ANO3: variants seen among roughly 807,000 people sequenced by gnomAD.
ANO3 encodes anoctamin-3.
ANO3 carries 99 observed loss-of-function variants against 144.8 expected under a neutral mutation model. That is an observed-to-expected ratio of 0.68 (90% CI 0.58 to 0.81). The LOEUF is 0.81. Among genes scored for constraint, ANO3 ranks in the 30% least tolerant of loss-of-function variants. The pLI is 0.00. For missense variants in ANO3, 905 were observed against 1,202.2 expected, an observed-to-expected ratio of 0.75 and a Z score of 3.66; for synonymous variants, 414 against 392.6, an observed-to-expected ratio of 1.05 and a Z score of -0.64.
At position 26,462,311 on chromosome 11, in the gene ANO3, A is replaced by T. The variant is rs12281377; in HGVS notation, c.314-719A>T. 4.5e-3 allele frequency among the ~76,000 whole-genome samples: 691 copies of T among 152,014 alleles called. 3 individuals carry two copies. Among genetic ancestry groups the T allele is most frequent in the African/African-American group, 0.016 (654 of 41,544 alleles). ...TAATTTGCAGAGATATTTATATCAC[A>T]TGGAATATAAATTTAGTGAAGTGTG... On this transcript the variant is annotated intron_variant, in intron 3 of 26. Transcript: ENST00000256737.
chr11:26,374,502 G>A (rs1055423197), intron 1 of ANO3, among the ~76,000 whole-genome samples: 1 of 152,048 alleles, frequency 6.6e-6, no homozygotes, highest in African/African-American at 2.4e-5. Context: ...CATTAGGAGG[G>A]AACAAATAAG....
At chr11:26,201,968 T>G (rs1484476510) in intron 1 of ANO3, among the ~76,000 whole-genome samples, 1 of 151,332 alleles carries the variant, frequency 6.6e-6, no homozygotes, top group African/African-American at 2.4e-5. Context: ...AGGCAGAATA[T>G]TTACATTTAC....
chr11:26,539,133 TACACACACAC>T (rs68138224), intron 10 of ANO3, among the ~76,000 whole-genome samples: 99,275 of 149,228 alleles, frequency 0.67, 33,784 homozygotes, highest in East Asian at 0.78. Flanking sequence ...ACAAGAGAAA[TACACACACAC>T]ACACACACAC....
intron 17 of ANO3, among the ~76,000 whole-genome samples, chr11:26,607,949 A>G (rs985550176): frequency 1.3e-5 from 2 of 152,130 alleles, no homozygotes; most frequent in Non-Finnish European, 2.9e-5. Context: ...ATTTGTTCTC[A>G]TCCTTTGTCC....
chr11:26,657,283 T>C (rs955064410), intron 26 of ANO3, among the ~76,000 whole-genome samples: 1 of 152,156 alleles, frequency 6.6e-6, no homozygotes, highest in African/African-American at 2.4e-5. Context: ...GAAGTATCCT[T>C]CATCTTTAAA....
intron 1 of ANO3, among the ~76,000 whole-genome samples, chr11:26,213,280 G>A (rs35719059): frequency 0.3 from 45,978 of 151,976 alleles, 7,700 homozygotes; most frequent in Non-Finnish European, 0.37. Context: ...GTTTTGGCCA[G>A]GGAAATCAGG....
intron 1 of ANO3, among the ~76,000 whole-genome samples, chr11:26,221,583 C>A (rs1307597328): frequency 6.6e-6 from 1 of 152,170 alleles, no homozygotes; most frequent in Non-Finnish European, 1.5e-5. Context: ...AAAGAAATAG[C>A]TAACACTGGA....
intron 1 of ANO3, among the ~76,000 whole-genome samples, chr11:26,243,262 A>G (rs1021935209): frequency 6.6e-6 from 1 of 151,868 alleles, no homozygotes; most frequent in African/African-American, 2.4e-5. Flanking sequence ...TTTCTAATCA[A>G]TTATCTTTCT....
chr11:26,637,044 C>T (rs1380312926), intron 20 of ANO3, among the ~76,000 whole-genome samples: 1 of 152,198 alleles, frequency 6.6e-6, no homozygotes, highest in Non-Finnish European at 1.5e-5. Context: ...TGCACACTCA[C>T]TCATGCCCTT....
chr11:26,207,977 G>A (rs1851843552), intron 1 of ANO3: 1 of 152,084 alleles, frequency 6.6e-6, no homozygotes, highest in Non-Finnish European at 1.5e-5. Flanking sequence ...AGTTCTGGAG[G>A]GTGGAAAGTT....
At chr11:26,197,507 C>A (rs1240862674) in intron 1 of ANO3, among the ~76,000 whole-genome samples, 1 of 152,056 alleles carries the variant, frequency 6.6e-6, no homozygotes, top group African/African-American at 2.4e-5. Flanking sequence ...TGCCACCATG[C>A]CTGGCTAAGT....
At chr11:26,467,028 T>A (rs746169237) in intron 4 of ANO3, among the ~76,000 whole-genome samples, 20 of 151,966 alleles carry the variant, frequency 1.3e-4, no homozygotes, top group Admixed American at 2.0e-4. Context: ...TTGTTTTTTT[T>A]AAAAACTCTA....
At chr11:26,512,358 T>C (rs1015598554) in intron 5 of ANO3, among the ~76,000 whole-genome samples, 1 of 152,198 alleles carries the variant, frequency 6.6e-6, no homozygotes, top group African/African-American at 2.4e-5. Flanking sequence ...GGTGTTTTGT[T>C]CTCTGAGGAG....
chr11:26,630,904 T>A (rs11600634), intron 18 of ANO3, among the ~76,000 whole-genome samples: 25,797 of 151,962 alleles, frequency 0.17, 2,572 homozygotes, highest in East Asian at 0.33. Flanking sequence ...TGTTATTTAA[T>A]AAGAGTTTCA....
At chr11:26,469,852 T>C (rs560785138) in intron 4 of ANO3, among the ~76,000 whole-genome samples, 12 of 151,978 alleles carry the variant, frequency 7.9e-5, no homozygotes, top group African/African-American at 2.9e-4. Flanking sequence ...TTTTAACATA[T>C]ATAACGATCA....
intron 1 of ANO3, among the ~76,000 whole-genome samples, chr11:26,200,096 T>C (rs1851663645): frequency 3.3e-5 from 5 of 152,068 alleles, no homozygotes; most frequent in Admixed American, 3.3e-4. Flanking sequence ...CCTGGTATTG[T>C]CAAAAATGAC....
In ANO3 at chr11:26,489,014, C is replaced by T. The variant is rs112251960; in HGVS notation, c.433-19090C>T. On this transcript the variant is annotated intron_variant, in intron 4 of 26. Transcript: ENST00000256737. Reference sequence around the variant, plus strand: ...GCTAGACACAGAGTGATGATTGGTACATTCACAATCCCTTAGCTAGACACA... The same window carrying T: ...GCTAGACACAGAGTGATGATTGGTATATTCACAATCCCTTAGCTAGACACA... Among the ~76,000 whole-genome samples, 1,426 of 152,274 alleles carry T rather than the reference C, an allele frequency of 9.4e-3. 15 individuals are homozygous for T. The highest frequency in any genetic ancestry group is 0.017 in the Middle Eastern group (5 of 294).
chr11:26,341,144 C>A (rs1344291001), intron 1 of ANO3, among the ~76,000 whole-genome samples: 1 of 143,922 alleles, frequency 6.9e-6, no homozygotes, highest in Non-Finnish European at 1.5e-5. Context: ...TTTCTTCTTT[C>A]TTTTTGCTAT....
At chr11:26,213,004 C>T (rs1198410818) in intron 1 of ANO3, among the ~76,000 whole-genome samples, 2 of 152,074 alleles carry the variant, frequency 1.3e-5, no homozygotes, top group South Asian at 2.1e-4. Flanking sequence ...CGTAATCCAT[C>T]ACATAAACAG....
Sources: allele counts gnomAD v4.1 joint callset (sites outside exome capture counted in the v4.1 genomes callset), GRCh38; gene constraint gnomAD v4.1.1; transcripts MANE v1.5; gene names NCBI Gene and HGNC (gene_info 2026-07-23, HGNC 2026-07-21).